The following PES1 variants were observed in gnomAD, a reference collection of about 807,000 sequenced individuals.
The protein encoded by PES1 is pescadillo ribosomal biogenesis factor 1, also known as pescadillo homolog.
In PES1, 31 loss-of-function variants were observed where a neutral mutation model predicts 77.1. The ratio of observed to expected loss-of-function variants is 0.40; its 90% confidence interval spans 0.30 to 0.54. The LOEUF is 0.54. PES1 is among the 20% of genes least tolerant of loss of function. The pLI, the probability that PES1 is intolerant of heterozygous loss-of-function variation, is 0.45. For missense variants in PES1, 658 were observed against 771.7 expected (o/e 0.85, Z 1.75); for synonymous variants, 282 against 303.0 (o/e 0.93, Z 0.72).
upstream of PES1, among the ~76,000 whole-genome samples, chr22:30,596,745 C>T (rs948390169): frequency 5.9e-5 from 9 of 152,350 alleles, no homozygotes; most frequent in Admixed American, 2.0e-4. Flanking sequence ...TCGGCCTCGG[C>T]GCCCATTCTG....
At chr22:30,579,650 G>A (rs1173748722) in intron 12 of PES1, 101 bp downstream of exon 12, 10 of 1,155,332 alleles carry the variant, frequency 8.7e-6, no homozygotes, top group African/African-American at 1.5e-5. Flanking sequence ...AGGGCTTTCT[G>A]CTCCTACTGC....
intron 2 of PES1, among the ~76,000 whole-genome samples, chr22:30,597,903 A>C (rs1204801603): frequency 4.2e-5 from 4 of 96,372 alleles, no homozygotes; most frequent in Non-Finnish European, 7.8e-5. Flanking sequence ...TTTTGTTTTG[A>C]GTCGGAGTCT....
chr22:30,606,973 A>C (rs1195517677), exon 1 of PES1: 8 of 835,728 alleles, frequency 9.6e-6, no homozygotes, highest in Non-Finnish European at 1.3e-5. Context: ...CAGACTTGAC[A>C]GATCAGGCAT....
chr22:30,580,195 AG>A lies in PES1; in HGVS notation c.1044-18del. 6.2e-7 allele frequency: 1 copy of A among 1,603,734 alleles called. No individual in the cohort carries two copies. The highest frequency in any genetic ancestry group is 8.5e-7 in the Non-Finnish European group (1 of 1,175,108). ...CCAAAACTCCTACAGGGACAGGGAGAGCCCACACGGGTACACAGACATGAGC... is the reference window on the plus strand; with the variant it reads ...CCAAAACTCCTACAGGGACAGGGAGACCCACACGGGTACACAGACATGAGC... On this transcript the variant is annotated intron_variant, in intron 10 of 14. Transcript: ENST00000354694.
At chr22:30,592,689 C>T (rs573882597), upstream of PES1, among the ~76,000 whole-genome samples, 149 of 152,220 alleles carry the variant, frequency 9.8e-4, no homozygotes, top group Middle Eastern at 6.8e-3. Flanking sequence ...CCCAGCTACT[C>T]GGGAGGCTGA....
chr22:30,599,832 A>G (rs1019392476), intron 2 of PES1, among the ~76,000 whole-genome samples: 1 of 152,176 alleles, frequency 6.6e-6, no homozygotes, highest in Non-Finnish European at 1.5e-5. Context: ...CCTGGCAGGC[A>G]GAGGTTGCGG....
intron 1 of PES1, among the ~76,000 whole-genome samples, chr22:30,590,032 C>G (rs1378293645): frequency 6.6e-6 from 1 of 152,194 alleles, no homozygotes; most frequent in Non-Finnish European, 1.5e-5. Flanking sequence ...AAAGCATGCT[C>G]TAAGCCACAC....
intron 3 of PES1, 78 bp downstream of exon 3, chr22:30,587,943 T>C (rs2087116668): frequency 6.9e-7 from 1 of 1,455,930 alleles, no homozygotes; most frequent in Non-Finnish European, 9.6e-7. Flanking sequence ...GGGTAGGCAA[T>C]CTGCCCAAGG....
intron 1 of PES1, among the ~76,000 whole-genome samples, chr22:30,591,490 C>T (rs980541896): frequency 2.0e-5 from 3 of 152,154 alleles, no homozygotes; most frequent in African/African-American, 7.2e-5. Context: ...TAACGGTGAG[C>T]TCTACGTAAT....
intron 8 of PES1, 63 bp from the exon 9 acceptor site, chr22:30,581,164 G>A: frequency 6.9e-7 from 1 of 1,448,676 alleles, no homozygotes; most frequent in South Asian, 1.2e-5. Flanking sequence ...GCCAGGGTGG[G>A]GAGGGGCAGC....
rs1026345009 is a variant in PES1 at position 30,591,894 on chromosome 22, C to T, written c.-61G>A. 18 of 1,526,624 alleles carry T rather than the reference C, an allele frequency of 1.2e-5. No individual in the cohort carries two copies. Among genetic ancestry groups the T allele is most frequent in the Admixed American group, 2.1e-5 (1 of 48,182 alleles). 94.6% of individuals were successfully genotyped at this position (1,526,624 alleles called of 1,614,324 possible). A position where few individuals can be genotyped will look rare whatever the true frequency, so the allele number is the denominator to read the frequency against. ...ACAGGGAGCTCCACTTCCTCCCGCA[C>T]GTGCCCTGCCAAGGACCCCGAGGAC... On this transcript the variant is annotated 5_prime_UTR_variant, in exon 1 of 15. The change creates a new upstream start codon in the 5' untranslated region. Coordinates refer to ENST00000354694, the MANE Select transcript of PES1 (RefSeq NM_014303.4).
Position 30,588,045 on chromosome 22 carries a change from A to C in PES1, c.234T>G (p.Ile78Met). The C allele has an allele frequency of 6.2e-7, 1 of 1,614,066 alleles. No homozygotes were observed. The change falls in exon 3 of 15, where the codon ATT becomes ATG. Residue 78 changes from isoleucine to methionine, a missense_variant. Ile to Met is a conservative substitution (Grantham distance 10, BLOSUM62 1). Coordinates refer to ENST00000354694, the MANE Select transcript of PES1 (RefSeq NM_014303.4). The stretch of plus-strand genomic sequence containing the variant: ...CCTTGTATTCACGGAACTTGTTGAC[A>C]ATGGGTTCGTGGAGGAGAAACCTGA... ...KDIRFLLHEP[I>M]VNKFREYKVF...
intron 2 of PES1, among the ~76,000 whole-genome samples, chr22:30,604,794 C>T (rs2087412292): frequency 6.6e-6 from 1 of 151,952 alleles, no homozygotes; most frequent in Non-Finnish European, 1.5e-5. Context: ...AAATCTTGAT[C>T]TGGCCAGGTG....
chr22:30,599,865 A>T (rs2087326506), intron 2 of PES1, among the ~76,000 whole-genome samples: 1 of 152,194 alleles, frequency 6.6e-6, no homozygotes, highest in Admixed American at 6.5e-5. Flanking sequence ...GAGCCATTGC[A>T]CTCCAGCCTG....
In PES1 at chr22:30,584,513, G is replaced by A. The variant is rs755567942; in HGVS notation, c.540+33C>T. 10 of 1,609,096 alleles carry A rather than the reference G, an allele frequency of 6.2e-6. No individual in the cohort carries two copies. In the East Asian group the frequency reaches 2.0e-4, roughly 32 times the overall value. ...CATGGGGTGGCAGGAGAGGGGGCAGGGTGGGATGCCAGCCGGGCAGTCCCA... is the reference window on the plus strand; with the variant it reads ...CATGGGGTGGCAGGAGAGGGGGCAGAGTGGGATGCCAGCCGGGCAGTCCCA... On this transcript the variant is annotated intron_variant, in intron 5 of 14. Coordinates refer to ENST00000354694, the MANE Select transcript of PES1 (RefSeq NM_014303.4).
intron 2 of PES1, among the ~76,000 whole-genome samples, chr22:30,597,629 A>G (rs1450747390): frequency 6.6e-6 from 1 of 151,664 alleles, no homozygotes; most frequent in African/African-American, 2.4e-5. Context: ...TAAATACACC[A>G]ATTAGCACTC....
chr22:30,597,822 A>G (rs1472651331), intron 2 of PES1, among the ~76,000 whole-genome samples: 1 of 151,070 alleles, frequency 6.6e-6, no homozygotes, highest in East Asian at 1.9e-4. Context: ...GAATAAAAGC[A>G]GGCTGCCCGA....
rs369751205 is a variant in PES1 at position 30,581,298 on chromosome 22, T to C, written c.822+36A>G. ...GTGTTGGGGACAGAGACCACTCCCT[T>C]GGGAGATGCCGGATGATGCTCCTGG... On this transcript the variant is annotated intron_variant, in intron 8 of 14. Transcript: ENST00000354694. 8.1e-6 allele frequency: 13 copies of C among 1,602,656 alleles called. No individual in the cohort carries two copies. The African/African-American group carries it at 1.6e-4, about 20-fold the overall frequency.
chr22:30,592,496 A>G, upstream of PES1: 2 of 809,028 alleles, frequency 2.5e-6, no homozygotes, highest in Non-Finnish European at 3.0e-6. Context: ...CTCGTGGTAT[A>G]TTTAAAATGT....
Sources: gnomAD v4.1 joint callset for allele counts (sites outside exome capture counted in the v4.1 genomes callset) on GRCh38, gnomAD v4.1.1 for gene constraint, MANE v1.5 for transcripts, NCBI Gene and HGNC (gene_info 2026-07-23, HGNC 2026-07-21) for gene names.